Variants in DENND1B observed in about 807,000 individuals in gnomAD.
The protein encoded by DENND1B is DENN domain-containing protein 1B.
In DENND1B, 59 loss-of-function variants were observed where a neutral mutation model predicts 90.1. The observed-to-expected ratio is 0.65, with a 90% CI of 0.53 to 0.81. DENND1B has a LOEUF of 0.81. Ranked by LOEUF, DENND1B falls within the 40% of genes least tolerant of loss-of-function variation. The pLI, the probability that DENND1B is intolerant of heterozygous loss-of-function variation, is 0.00. For missense variants in DENND1B, 862 were observed against 912.6 expected (o/e 0.94, Z 0.71); for synonymous variants, 337 against 324.6 (o/e 1.04, Z -0.41).
chr1:197,582,829 C>A (rs1161892911), intron 15 of DENND1B, among the ~76,000 whole-genome samples: 3 of 152,070 alleles, frequency 2.0e-5, no homozygotes, highest in African/African-American at 7.2e-5. Flanking sequence ...CCGTATCAAT[C>A]CACCATACCA....
chr1:197,511,333 T>C (rs567202147), intron 22 of DENND1B, among the ~76,000 whole-genome samples: 31 of 151,980 alleles, frequency 2.0e-4, no homozygotes, highest in African/African-American at 7.5e-4. Flanking sequence ...AAAATCATGT[T>C]CATTTTTGGG....
At chr1:197,779,999 T>C (rs1225204917), upstream of DENND1B, among the ~76,000 whole-genome samples, 1 of 152,180 alleles carries the variant, frequency 6.6e-6, no homozygotes, top group Non-Finnish European at 1.5e-5. Context: ...AAGATATTAA[T>C]TTACTGCTGG....
intron 15 of DENND1B, among the ~76,000 whole-genome samples, chr1:197,562,521 T>C (rs1056143135): frequency 3.3e-5 from 5 of 152,042 alleles, no homozygotes; most frequent in South Asian, 4.1e-4. Flanking sequence ...CAGTGATCTT[T>C]GATGTAACTA....
chr1:197,645,620 T>TA, intron 9 of DENND1B, 70 bp downstream of exon 9: 1 of 935,372 alleles, frequency 1.1e-6, no homozygotes, highest in South Asian at 2.4e-5. Flanking sequence ...TAAAAACGCA[T>TA]AAACAGTGAG....
chr1:197,552,770 C>A, intron 16 of DENND1B: 2 of 1,247,752 alleles, frequency 1.6e-6, no homozygotes, highest in Non-Finnish European at 1.0e-6. Flanking sequence ...TTACTAATTT[C>A]CAGCAATATT....
At chr1:197,515,093 T>C (rs1318765765) in intron 20 of DENND1B, among the ~76,000 whole-genome samples, 3 of 151,652 alleles carry the variant, frequency 2.0e-5, no homozygotes, top group East Asian at 1.9e-4. Context: ...TCTTCTTTTA[T>C]TGCAGCCACA....
intron 11 of DENND1B, among the ~76,000 whole-genome samples, chr1:197,614,873 A>G (rs1157365041): frequency 2.6e-5 from 4 of 151,078 alleles, no homozygotes; most frequent in Non-Finnish European, 5.9e-5. Flanking sequence ...CAATTTTACT[A>G]GTCCTACAGT....
intron 20 of DENND1B, among the ~76,000 whole-genome samples, chr1:197,513,665 A>C (rs976952400): frequency 4.6e-5 from 7 of 151,612 alleles, no homozygotes; most frequent in Non-Finnish European, 1.0e-4. Context: ...GCAAGTTAAT[A>C]ATTTTTCTTT....
intron 2 of DENND1B, among the ~76,000 whole-genome samples, chr1:197,745,360 T>C (rs1663613140): frequency 6.6e-6 from 1 of 152,120 alleles, no homozygotes; most frequent in Non-Finnish European, 1.5e-5. Context: ...AGTCTTCCTT[T>C]CACTTGGACA....
intron 12 of DENND1B, among the ~76,000 whole-genome samples, chr1:197,610,874 T>A (rs1225660746): frequency 6.7e-6 from 1 of 149,176 alleles, no homozygotes; most frequent in Non-Finnish European, 1.5e-5. Flanking sequence ...TTAAATATGT[T>A]TTTTTTGTTA....
intron 2 of DENND1B, among the ~76,000 whole-genome samples, chr1:197,716,145 C>T (rs899642483): frequency 3.3e-5 from 5 of 151,696 alleles, no homozygotes; most frequent in Admixed American, 3.3e-4. Flanking sequence ...CCTAAGGATA[C>T]ATATATATTT....
chr1:197,591,528 T>C (rs1675202695), intron 14 of DENND1B, among the ~76,000 whole-genome samples: 1 of 152,060 alleles, frequency 6.6e-6, no homozygotes, highest in Admixed American at 6.6e-5. Context: ...TGTAGAGCAT[T>C]AAGACAAAGA....
intron 5 of DENND1B, among the ~76,000 whole-genome samples, chr1:197,661,493 C>T (rs1182639734): frequency 4.6e-5 from 7 of 151,988 alleles, no homozygotes; most frequent in East Asian, 1.9e-4. Context: ...CAGATGAGAC[C>T]TAATCTATTC....
intron 15 of DENND1B, among the ~76,000 whole-genome samples, chr1:197,580,062 T>C (rs11805248): frequency 3.7e-3 from 556 of 149,414 alleles, no homozygotes; most frequent in Non-Finnish European, 6.3e-3. Flanking sequence ...GTATTTTTAA[T>C]AATTTTTCTT....
At chr1:197,545,639 A>G in intron 18 of DENND1B, 1 of 301,598 alleles carries the variant, frequency 3.3e-6, no homozygotes, top group Non-Finnish European at 6.0e-6. Flanking sequence ...ATGACATTTT[A>G]CAAAATGGTA....
intron 6 of DENND1B, among the ~76,000 whole-genome samples, chr1:197,654,017 C>A (rs1433529945): frequency 1.3e-5 from 2 of 152,094 alleles, no homozygotes; most frequent in Non-Finnish European, 2.9e-5. Flanking sequence ...AATTATTCAA[C>A]TGTAAAATGA....
intron 10 of DENND1B, among the ~76,000 whole-genome samples, chr1:197,625,318 A>G (rs1030032641): frequency 6.6e-5 from 10 of 152,140 alleles, no homozygotes; most frequent in East Asian, 1.9e-4. Context: ...CAGATCTCTC[A>G]GCAGAAACGC....
At chr1:197,669,321 G>T (rs1013051823) in intron 5 of DENND1B, among the ~76,000 whole-genome samples, 1 of 152,006 alleles carries the variant, frequency 6.6e-6, no homozygotes, top group Non-Finnish European at 1.5e-5. Flanking sequence ...AAAGCTAAAA[G>T]TGGTGAAGGA....
At chr1:197,725,188 A>T (rs757272141) in intron 2 of DENND1B, among the ~76,000 whole-genome samples, 41 of 152,196 alleles carry the variant, frequency 2.7e-4, no homozygotes, top group Non-Finnish European at 4.7e-4. Flanking sequence ...AAGTATAAAA[A>T]GATATGGATA....
Sources: gnomAD v4.1 joint callset for allele counts (sites outside exome capture counted in the v4.1 genomes callset) on GRCh38, gnomAD v4.1.1 for gene constraint, MANE v1.5 for transcripts, NCBI Gene and HGNC (gene_info 2026-07-23, HGNC 2026-07-21) for gene names.